CCDC85C: variants seen among roughly 807,000 people sequenced by gnomAD.
CCDC85C encodes the protein coiled-coil domain-containing protein 85C.
A neutral mutation model predicts 38.3 loss-of-function variants in CCDC85C; 18 were observed. The observed-to-expected ratio is 0.47, with a 90% CI of 0.33 to 0.70. CCDC85C has a LOEUF of 0.70. Among genes scored for constraint, CCDC85C ranks in the 30% least tolerant of loss-of-function variants. The probability of loss-of-function intolerance (pLI) is 0.03; values close to 1 mark genes in which losing one functional copy is unlikely to be tolerated. For synonymous variants in CCDC85C, 264 were observed against 293.8 expected (o/e 0.90, Z 1.04); for missense variants, 566 against 621.2 (o/e 0.91, Z 0.94).
intron 1 of CCDC85C, among the ~76,000 whole-genome samples, chr14:99,547,795 CA>C (rs1897833899): frequency 6.6e-6 from 1 of 151,416 alleles, no homozygotes; most frequent in East Asian, 1.9e-4. Context: ...AAAAGAAAAC[CA>C]CAGGATTGCA....
intron 3 of CCDC85C, 65 bp from the exon 4 acceptor site, chr14:99,517,248 C>G: frequency 7.8e-7 from 1 of 1,278,168 alleles, no homozygotes. Flanking sequence ...ACCGGTGGCT[C>G]AGACAAGGCC....
Position 99,507,414 on chromosome 14 carries a change from A to T in CCDC85C, c.*7832T>A. On this transcript the variant is annotated 3_prime_UTR_variant, in exon 6 of 6. Coordinates refer to ENST00000380243, the MANE Select transcript of CCDC85C (RefSeq NM_001144995.2). The stretch of plus-strand genomic sequence containing the variant: ...CAACAAAGTGAGACCCTGTCTAAAA[A>T]ATTAGCCAGGTGTGGTAGCACACAC... 2.2e-6 allele frequency: 1 copy of T among 448,548 alleles called. No homozygotes were observed. The highest frequency in any genetic ancestry group is 4.3e-5 in the East Asian group (1 of 23,196). The allele number at this position is 448,548 out of a possible 1,614,324, so 27.8% of individuals were successfully genotyped here.
At chr14:99,543,114 T>TC (rs1897744650) in intron 1 of CCDC85C, among the ~76,000 whole-genome samples, 1 of 152,130 alleles carries the variant, frequency 6.6e-6, no homozygotes, top group African/African-American at 2.4e-5. Flanking sequence ...GGTGGTGAGT[T>TC]CCCCATCATA....
Position 99,506,846 on chromosome 14 carries a change from T to A in CCDC85C, c.*8400A>T. Reference sequence around the variant, plus strand: ...AGGAAACTTAGGTAGACATGGAAAATGGGCTGCCTGTGGGAAGCTCGCAGG... The same window carrying A: ...AGGAAACTTAGGTAGACATGGAAAAAGGGCTGCCTGTGGGAAGCTCGCAGG... On this transcript the variant is annotated 3_prime_UTR_variant, in exon 6 of 6. Transcript: ENST00000380243. 1 of 503,448 alleles carries A rather than the reference T, an allele frequency of 2.0e-6. No homozygotes were observed. Among genetic ancestry groups the A allele is most frequent in the Non-Finnish European group, 3.6e-6 (1 of 275,982 alleles). The allele number at this position is 503,448 out of a possible 1,614,324, so 31.2% of individuals were successfully genotyped here. A position where few individuals can be genotyped will look rare whatever the true frequency, so the allele number is the denominator to read the frequency against.
chr14:99,579,628 G>A (rs1330422483), intron 1 of CCDC85C, among the ~76,000 whole-genome samples: 2 of 152,242 alleles, frequency 1.3e-5, no homozygotes, highest in African/African-American at 4.8e-5. Flanking sequence ...GAAGGAAGAG[G>A]TGGGGCCAGA....
intron 1 of CCDC85C, among the ~76,000 whole-genome samples, chr14:99,577,894 C>G (rs554424141): frequency 6.7e-6 from 1 of 150,024 alleles, no homozygotes; most frequent in South Asian, 2.1e-4. Flanking sequence ...CACACCCATA[C>G]AGCCCATCCT....
At chr14:99,573,195 G>A (rs187017933) in intron 1 of CCDC85C, among the ~76,000 whole-genome samples, 309 of 152,306 alleles carry the variant, frequency 2.0e-3, no homozygotes, top group Non-Finnish European at 2.7e-3. Context: ...GCGGTCCAGC[G>A]TCACTCAGCC....
chr14:99,522,055 C>G (rs1448154954), intron 3 of CCDC85C, 78 bp downstream of exon 3: 1 of 1,125,770 alleles, frequency 8.9e-7, no homozygotes, highest in Admixed American at 2.0e-5. Context: ...CCTTGTGCCC[C>G]TCCGGGCAGG....
At chr14:99,592,686 C>T (rs1424435489) in intron 1 of CCDC85C, among the ~76,000 whole-genome samples, 1 of 152,228 alleles carries the variant, frequency 6.6e-6, no homozygotes, top group East Asian at 1.9e-4. Flanking sequence ...TGGCCTCAGC[C>T]TCTAGGGTTT....
At position 99,510,413 on chromosome 14, in the gene CCDC85C, C is replaced by T. The variant is rs757619350; in HGVS notation, c.*4833G>A. The T allele has an allele frequency of 2.1e-5, 32 of 1,552,794 alleles. No homozygotes were observed. The highest frequency in any genetic ancestry group is 2.6e-5 in the Non-Finnish European group (30 of 1,149,236). ...TGATGAAGACCGAGGGACCCTCCTA[C>T]GGTGCCCTGCCCCCCGCCTACGGCC... On this transcript the variant is annotated 3_prime_UTR_variant, in exon 6 of 6. Transcript: ENST00000380243.
rs1448717604 is a variant in CCDC85C, at chr14:99,532,685, C to T, written c.867+3330G>A. 2.0e-5 allele frequency among the ~76,000 whole-genome samples: 3 copies of T among 152,266 alleles called. No homozygotes were observed. In the East Asian group the frequency reaches 5.8e-4, roughly 29 times the overall value. On this transcript the variant is annotated intron_variant, in intron 2 of 5. Transcript: ENST00000380243. ...TCCCTCACCCCGTCTCTCTGTCTCT[C>T]TCTCTCCTGCATGGCTCAGAACAGC...
At chr14:99,557,077 C>T (rs920604050) in intron 1 of CCDC85C, among the ~76,000 whole-genome samples, 3 of 152,174 alleles carry the variant, frequency 2.0e-5, no homozygotes, top group Admixed American at 1.3e-4. Flanking sequence ...TATAGAACCA[C>T]GTGGGAGGTG....
rs990408892 is a variant in CCDC85C, at chr14:99,514,352, A to C, written c.*894T>G. The C allele has an allele frequency of 6.6e-6, 1 of 152,456 alleles. No homozygotes were observed. Among genetic ancestry groups the C allele is most frequent in the African/African-American group, 2.4e-5 (1 of 41,470 alleles). 9.4% of individuals were successfully genotyped at this position (152,456 alleles called of 1,614,324 possible). A position where few individuals can be genotyped will look rare whatever the true frequency, so the allele number is the denominator to read the frequency against. Reference sequence around the variant, plus strand: ...GTCCACAGGGACCCAAGATGCAGCCAGGCCCTGGGGGAGGTCACAGCCAAC... The same window carrying C: ...GTCCACAGGGACCCAAGATGCAGCCCGGCCCTGGGGGAGGTCACAGCCAAC... On this transcript the variant is annotated 3_prime_UTR_variant, in exon 6 of 6. Transcript: ENST00000380243.
At chr14:99,521,639 C>T (rs996915585) in intron 3 of CCDC85C, among the ~76,000 whole-genome samples, 3 of 152,208 alleles carry the variant, frequency 2.0e-5, no homozygotes, top group African/African-American at 7.2e-5. Context: ...CTCCCCACTG[C>T]CATCATATCT....
At chr14:99,578,209 A>G (rs922738413) in intron 1 of CCDC85C, among the ~76,000 whole-genome samples, 3 of 122,770 alleles carry the variant, frequency 2.4e-5, no homozygotes, top group Admixed American at 9.1e-5. Flanking sequence ...ATATCTCTAC[A>G]CCCATACAGC....
intron 1 of CCDC85C, among the ~76,000 whole-genome samples, chr14:99,562,267 A>G (rs983156698): frequency 4.0e-5 from 6 of 151,774 alleles, no homozygotes; most frequent in African/African-American, 1.5e-4. Context: ...TCCCCATTTC[A>G]TCTCTGCCCA....
chr14:99,599,918 C>T (rs559246872), intron 1 of CCDC85C, among the ~76,000 whole-genome samples: 1 of 152,278 alleles, frequency 6.6e-6, no homozygotes, highest in South Asian at 2.1e-4. Flanking sequence ...GGAGAAAAGC[C>T]TATTTGCATG....
intron 1 of CCDC85C, among the ~76,000 whole-genome samples, chr14:99,542,780 C>A (rs753054449): frequency 6.6e-6 from 1 of 152,256 alleles, no homozygotes; most frequent in African/African-American, 2.4e-5. Context: ...GCATGCCAGG[C>A]CCAGCGGGTC....
chr14:99,542,052 C>T (rs1897723339), intron 1 of CCDC85C, among the ~76,000 whole-genome samples: 1 of 152,230 alleles, frequency 6.6e-6, no homozygotes, highest in African/African-American at 2.4e-5. Flanking sequence ...GACCTGGCCA[C>T]TCCAAGCCGC....
Sources: allele counts gnomAD v4.1 joint callset (sites outside exome capture counted in the v4.1 genomes callset), GRCh38; gene constraint gnomAD v4.1.1; transcripts MANE v1.5; gene names NCBI Gene and HGNC (gene_info 2026-07-23, HGNC 2026-07-21).